Variants in DCDC1 observed in about 807,000 individuals in gnomAD.
DCDC1 encodes doublecortin domain containing 1, also known as doublecortin domain-containing protein 1.
In DCDC1, 200 loss-of-function variants were observed where a neutral mutation model predicts 178.3. The observed-to-expected ratio is 1.12, with a 90% CI of 1.00 to 1.26. The LOEUF (loss-of-function observed/expected upper bound fraction) is 1.26, where lower values mean the gene tolerates loss of function less well. Ranked by LOEUF, DCDC1 falls within the 50% of genes most tolerant of loss-of-function variation. The probability of loss-of-function intolerance (pLI) is 0.00; values close to 1 mark genes in which losing one functional copy is unlikely to be tolerated. For synonymous variants in DCDC1, 690 were observed against 604.8 expected (o/e 1.14, Z -2.07); for missense variants, 1,983 against 1,749.2 (o/e 1.13, Z -2.38).
intron 20 of DCDC1, among the ~76,000 whole-genome samples, chr11:31,027,567 A>C (rs1429960048): frequency 3.3e-5 from 5 of 151,844 alleles, no homozygotes; most frequent in African/African-American, 1.2e-4. Context: ...TTTTCTGATC[A>C]ATAAGAATAT....
intron 9 of DCDC1, among the ~76,000 whole-genome samples, chr11:31,146,615 G>GCC (rs1366685923): frequency 6.6e-6 from 1 of 152,174 alleles, no homozygotes; most frequent in Non-Finnish European, 1.5e-5. Flanking sequence ...GCTGCTGGAT[G>GCC]CCCCACTGGC....
intron 7 of DCDC1, among the ~76,000 whole-genome samples, chr11:31,283,570 T>A (rs1032374312): frequency 3.3e-5 from 5 of 152,112 alleles, no homozygotes; most frequent in Admixed American, 3.3e-4. Context: ...GATCAACTTT[T>A]CTTCTGGATA....
intron 9 of DCDC1, among the ~76,000 whole-genome samples, chr11:31,231,701 G>C: frequency 7.4e-6 from 1 of 135,126 alleles, no homozygotes; most frequent in Non-Finnish European, 1.7e-5. Flanking sequence ...TTCTTGGAGG[G>C]AACACAAAAA....
At position 31,213,447 on chromosome 11, in the gene DCDC1, G is replaced by A. The variant is rs12284438; in HGVS notation, c.1221+28003C>T. 5.4e-3 allele frequency among the ~76,000 whole-genome samples: 821 copies of A among 151,920 alleles called. 9 individuals carry two copies. Among genetic ancestry groups the A allele is most frequent in the African/African-American group, 0.019 (770 of 41,414 alleles). On this transcript the variant is annotated intron_variant, in intron 9 of 38. Coordinates refer to ENST00000684477, the MANE Select transcript of DCDC1 (RefSeq NM_001387274.1). ...AAAGTGGTCACCTTCAGCAGGGGGC[G>A]GTGGCTTATCATGTCTGTAATCCCA...
intron 9 of DCDC1, among the ~76,000 whole-genome samples, chr11:31,152,065 T>G (rs1237923816): frequency 1.3e-5 from 2 of 152,338 alleles, no homozygotes; most frequent in South Asian, 4.1e-4. Flanking sequence ...CTCATAAATA[T>G]AATTATTATT....
At chr11:30,899,512 T>G in intron 34 of DCDC1, 29 bp downstream of exon 34, 11 of 1,374,970 alleles carry the variant, frequency 8.0e-6, no homozygotes, top group Non-Finnish European at 1.1e-5. Flanking sequence ...GAATTAAATA[T>G]GGTTATGCTT....
intron 9 of DCDC1, among the ~76,000 whole-genome samples, chr11:31,189,544 G>C (rs527988243): frequency 7.9e-5 from 12 of 152,166 alleles, no homozygotes; most frequent in Non-Finnish European, 1.6e-4. Flanking sequence ...GAAAGCTCTG[G>C]AGATCAGAAG....
At chr11:31,014,817 C>G (rs1230223409) in intron 20 of DCDC1, among the ~76,000 whole-genome samples, 1 of 152,168 alleles carries the variant, frequency 6.6e-6, no homozygotes, top group Non-Finnish European at 1.5e-5. Context: ...AGATCAACAT[C>G]TTAATATCCA....
rs1565238028 is a variant in DCDC1, at chr11:31,064,598, C to T, written c.2462G>A (p.Gly821Asp). 1.3e-6 allele frequency: 1 copy of T among 765,794 alleles called. No individual in the cohort carries two copies. Among genetic ancestry groups the T allele is most frequent in the Admixed American group, 1.7e-5 (1 of 58,936 alleles). 47.4% of individuals were successfully genotyped at this position (765,794 alleles called of 1,614,324 possible). A position where few individuals can be genotyped will look rare whatever the true frequency, so the allele number is the denominator to read the frequency against. The change falls in exon 20 of 39, where the codon GGT (glycine) becomes GAT (aspartate). Residue 821 changes from glycine to aspartate, a missense_variant. Coordinates refer to ENST00000684477, the MANE Select transcript of DCDC1 (RefSeq NM_001387274.1). ...EVLQESASNL[G>D]LKQLPEPSDT... The stretch of plus-strand genomic sequence containing the variant: ...TGAGGGTTCTGGCAGTTGCTTCAGA[C>T]CAAGGTTGCTGGCACTTTCTTGCAG...
intron 9 of DCDC1, among the ~76,000 whole-genome samples, chr11:31,159,553 T>A (rs1019091237): frequency 6.6e-6 from 1 of 152,140 alleles, no homozygotes; most frequent in African/African-American, 2.4e-5. Context: ...CTGTGGGAGG[T>A]CATAGAGTCA....
chr11:31,335,628 A>T (rs540791399), intron 1 of DCDC1, 64 bp from the exon 2 acceptor site: 1 of 152,362 alleles, frequency 6.6e-6, no homozygotes, highest in East Asian at 1.9e-4. Flanking sequence ...CAATGTGCCC[A>T]TAAGAAATCA....
intron 17 of DCDC1, among the ~76,000 whole-genome samples, chr11:31,081,955 C>T (rs903955100): frequency 6.6e-6 from 1 of 152,266 alleles, no homozygotes; most frequent in Non-Finnish European, 1.5e-5. Flanking sequence ...AGTGTATCTG[C>T]CTATTTTTCA....
Position 31,057,929 on chromosome 11 carries a change from G to A in DCDC1, c.2591+6540C>T, listed in dbSNP as rs1257046291. Among the ~76,000 whole-genome samples the A allele has an allele frequency of 2.6e-5, 4 of 152,066 alleles. No homozygotes were observed. In the East Asian group the frequency reaches 7.7e-4, roughly 29 times the overall value. On this transcript the variant is annotated intron_variant, in intron 20 of 38. Coordinates refer to ENST00000684477, the MANE Select transcript of DCDC1 (RefSeq NM_001387274.1). ...TCATGCTCTTTTACCGTAATGACTTGTTTAATTTCTCTCTTCCCTGTTAGA... is the reference window on the plus strand; with the variant it reads ...TCATGCTCTTTTACCGTAATGACTTATTTAATTTCTCTCTTCCCTGTTAGA...
intron 6 of DCDC1, among the ~76,000 whole-genome samples, chr11:31,296,974 T>G (rs1033809391): frequency 6.6e-6 from 1 of 152,140 alleles, no homozygotes; most frequent in African/African-American, 2.4e-5. Flanking sequence ...CCAGACCATA[T>G]CAACCAGGGA....
chr11:31,089,565 G>C (rs891392010), intron 17 of DCDC1, among the ~76,000 whole-genome samples: 3 of 150,326 alleles, frequency 2.0e-5, no homozygotes, highest in Admixed American at 1.3e-4. Context: ...TAAATACTCA[G>C]AAATTGGGCC....
At chr11:31,161,057 T>C (rs1401907703) in intron 9 of DCDC1, among the ~76,000 whole-genome samples, 1 of 152,164 alleles carries the variant, frequency 6.6e-6, no homozygotes, top group Non-Finnish European at 1.5e-5. Context: ...TTTAAAATCT[T>C]TCCCTCTTTC....
At chr11:30,891,067 C>T (rs1168175380) in intron 36 of DCDC1, among the ~76,000 whole-genome samples, 1 of 152,116 alleles carries the variant, frequency 6.6e-6, no homozygotes, top group Non-Finnish European at 1.5e-5. Context: ...AGTTGTACTT[C>T]CAGAGTGCCC....
At chr11:31,197,726 C>T (rs1970849666) in intron 9 of DCDC1, among the ~76,000 whole-genome samples, 1 of 151,970 alleles carries the variant, frequency 6.6e-6, no homozygotes, top group South Asian at 2.1e-4. Flanking sequence ...AGTTTATGTG[C>T]CTCCAAACTT....
chr11:31,076,427 C>T (rs1326436831), intron 18 of DCDC1, among the ~76,000 whole-genome samples: 1 of 152,252 alleles, frequency 6.6e-6, no homozygotes, highest in Non-Finnish European at 1.5e-5. Flanking sequence ...CAGCTCACTG[C>T]AGCCTTGACC....
Sources: gnomAD v4.1 joint callset for allele counts (sites outside exome capture counted in the v4.1 genomes callset) on GRCh38, gnomAD v4.1.1 for gene constraint, MANE v1.5 for transcripts, NCBI Gene and HGNC (gene_info 2026-07-23, HGNC 2026-07-21) for gene names.